Variants in RHOBTB1 observed in about 807,000 individuals in gnomAD.
The protein encoded by RHOBTB1 is Rho related BTB domain containing 1.
RHOBTB1 carries 40 observed loss-of-function variants against 71.6 expected under a neutral mutation model. The ratio of observed to expected loss-of-function variants is 0.56; its 90% CI spans 0.43 to 0.73. The LOEUF (loss-of-function observed/expected upper bound fraction) is 0.73. RHOBTB1 is among the 30% of genes least tolerant of loss of function. The pLI is 0.00. For missense variants in RHOBTB1, 797 were observed against 894.0 expected, an observed-to-expected ratio of 0.89 and a Z score of 1.38; for synonymous variants, 319 against 334.9, an observed-to-expected ratio of 0.95 and a Z score of 0.52.
chr10:60,869,104 T>C (rs2080664303), downstream of RHOBTB1, among the ~76,000 whole-genome samples: 1 of 152,232 alleles, frequency 6.6e-6, no homozygotes, highest in Admixed American at 6.5e-5. Flanking sequence ...ATCACTCAAC[T>C]GCTGGCAGAA....
chr10:60,946,117 G>A (rs1421614352), upstream of RHOBTB1, among the ~76,000 whole-genome samples: 2 of 151,882 alleles, frequency 1.3e-5, no homozygotes, highest in Non-Finnish European at 2.9e-5. Flanking sequence ...GGCGGAGGTT[G>A]CAGTGAGCCG....
intron 2 of RHOBTB1, among the ~76,000 whole-genome samples, chr10:60,950,574 G>T (rs1664773334): frequency 6.6e-6 from 1 of 152,172 alleles, no homozygotes; most frequent in Non-Finnish European, 1.5e-5. Flanking sequence ...ATGTAATTCT[G>T]TGCTACTTCC....
rs567382652 is a variant in RHOBTB1 at position 60,975,421 on chromosome 10, C to T, written c.-62+10424G>A. 4.2e-3 allele frequency among the ~76,000 whole-genome samples: 645 copies of T among 152,216 alleles called. 1 individual carries two copies. Among genetic ancestry groups the T allele is most frequent in the Non-Finnish European group, 7.1e-3 (482 of 67,970 alleles). ...CCCTTTTGCCTCTCTCTGTTCTGTACTTGCACTATCAAATAAAAACAATTT... is the reference window on the plus strand; with the variant it reads ...CCCTTTTGCCTCTCTCTGTTCTGTATTTGCACTATCAAATAAAAACAATTT... On this transcript the variant is annotated intron_variant, in intron 2 of 11. Transcript: ENST00000357917.
chr10:60,977,612 A>G (rs527667734), intron 2 of RHOBTB1, among the ~76,000 whole-genome samples: 2 of 152,148 alleles, frequency 1.3e-5, no homozygotes, highest in Admixed American at 1.3e-4. Context: ...TAATATTGTA[A>G]ATTCTGTAAA....
chr10:60,918,396 T>G (rs1480641618), intron 2 of RHOBTB1, among the ~76,000 whole-genome samples: 1 of 152,154 alleles, frequency 6.6e-6, no homozygotes, highest in Non-Finnish European at 1.5e-5. Flanking sequence ...TGAAAGAGAC[T>G]CCCAGGAAGT....
chr10:60,939,766 C>CA (rs1441002168), intron 2 of RHOBTB1, among the ~76,000 whole-genome samples: 1 of 152,048 alleles, frequency 6.6e-6, no homozygotes, highest in East Asian at 1.9e-4. Context: ...TTTTCTTGAG[C>CA]AAAAAATGGC....
intron 8 of RHOBTB1, 116 bp downstream of exon 8, chr10:60,877,792 C>G: frequency 1.1e-6 from 1 of 949,988 alleles, no homozygotes; most frequent in Non-Finnish European, 1.6e-6. Context: ...CTACACAAGA[C>G]AGTCCTATTT....
chr10:60,984,709 A>C (rs2086606473), intron 2 of RHOBTB1, among the ~76,000 whole-genome samples: 1 of 152,202 alleles, frequency 6.6e-6, no homozygotes, highest in Non-Finnish European at 1.5e-5. Flanking sequence ...TTGGGACTTC[A>C]ATAAATTTAA....
chr10:60,982,182 C>A (rs1412296909), intron 2 of RHOBTB1, among the ~76,000 whole-genome samples: 1 of 152,168 alleles, frequency 6.6e-6, no homozygotes, highest in African/African-American at 2.4e-5. Context: ...ATAATCATAT[C>A]TATGTGCCTT....
chr10:60,875,055 GA>G lies in RHOBTB1; in HGVS notation c.1727-14del, dbSNP rs1287642746. On this transcript the variant is annotated splice_polypyrimidine_tract_variant and intron_variant, in intron 8 of 10. Transcript: ENST00000337910. The stretch of plus-strand genomic sequence containing the variant: ...ACGGCATGCTGTTCTGGGGAAGAGA[GA>G]GGGGGCAGGAGAACATTAAACCACG... 1 of 1,609,064 alleles carries G rather than the reference GA, an allele frequency of 6.2e-7. No individual in the cohort carries two copies. Among genetic ancestry groups the G allele is most frequent in the Admixed American group, 1.7e-5 (1 of 60,022 alleles).
At chr10:60,945,880 G>GCATA (rs1362321044), upstream of RHOBTB1, among the ~76,000 whole-genome samples, 1 of 152,146 alleles carries the variant, frequency 6.6e-6, no homozygotes, top group African/African-American at 2.4e-5. Flanking sequence ...CATTTACTTG[G>GCATA]CATAAAACTG....
At chr10:60,960,777 G>A (rs1283233211) in intron 2 of RHOBTB1, among the ~76,000 whole-genome samples, 3 of 152,182 alleles carry the variant, frequency 2.0e-5, no homozygotes, top group Non-Finnish European at 4.4e-5. Context: ...ACCCTTTGAT[G>A]TCAGTGGGTG....
At chr10:60,967,730 TTTC>T (rs913462577) in intron 2 of RHOBTB1, among the ~76,000 whole-genome samples, 5 of 152,138 alleles carry the variant, frequency 3.3e-5, no homozygotes, top group African/African-American at 9.7e-5. Context: ...TGTTTATCCA[TTTC>T]TTTATTCCTT....
chr10:60,961,254 G>A (rs1411591821), intron 2 of RHOBTB1, among the ~76,000 whole-genome samples: 2 of 152,132 alleles, frequency 1.3e-5, no homozygotes, highest in Non-Finnish European at 2.9e-5. Flanking sequence ...TATTCAGGAA[G>A]AACATACTAT....
downstream of RHOBTB1, among the ~76,000 whole-genome samples, chr10:60,866,994 T>C (rs2080637842): frequency 6.6e-6 from 1 of 152,204 alleles, no homozygotes; most frequent in Admixed American, 6.5e-5. Flanking sequence ...TCAAAAATGC[T>C]GAGCACACAG....
At chr10:60,883,794 C>T (rs562550609) in intron 7 of RHOBTB1, among the ~76,000 whole-genome samples, 1 of 152,290 alleles carries the variant, frequency 6.6e-6, no homozygotes, top group Admixed American at 6.5e-5. Context: ...CACCCCACAA[C>T]CACAGTATGG....
chr10:60,962,237 T>C (rs976115141), intron 2 of RHOBTB1, among the ~76,000 whole-genome samples: 2 of 152,176 alleles, frequency 1.3e-5, no homozygotes, highest in Non-Finnish European at 2.9e-5. Context: ...TAGCAGTCTG[T>C]AATTCTTTGT....
chr10:60,942,103 A>G (rs908475698), intron 1 of RHOBTB1, among the ~76,000 whole-genome samples: 3 of 152,192 alleles, frequency 2.0e-5, no homozygotes, highest in Admixed American at 6.5e-5. Context: ...ATACCAAAAA[A>G]ACAAACAAAA....
At chr10:60,980,175 C>T (rs987725939) in intron 2 of RHOBTB1, among the ~76,000 whole-genome samples, 5 of 152,062 alleles carry the variant, frequency 3.3e-5, no homozygotes, top group Non-Finnish European at 5.9e-5. Context: ...TTCAACTCTC[C>T]GCTTTGCATT....
Sources: gnomAD v4.1 joint callset for allele counts (sites outside exome capture counted in the v4.1 genomes callset) on GRCh38, gnomAD v4.1.1 for gene constraint, MANE v1.5 for transcripts, NCBI Gene and HGNC (gene_info 2026-07-23, HGNC 2026-07-21) for gene names.